Variants in PCSK7 observed in about 807,000 individuals in gnomAD.
PCSK7 encodes the protein proprotein convertase subtilisin/kexin type 7.
A neutral mutation model predicts 73.3 loss-of-function variants in PCSK7; 38 were observed. The observed-to-expected ratio is 0.52, with a 90% CI of 0.40 to 0.68. The LOEUF (loss-of-function observed/expected upper bound fraction) is 0.68, where lower values mean the gene tolerates loss of function less well. PCSK7 is among the 30% of genes least tolerant of loss of function. The pLI is 0.00. For synonymous variants in PCSK7, 296 were observed against 383.8 expected (o/e 0.77, Z 2.68); for missense variants, 692 against 991.5 (o/e 0.70, Z 4.06).
At chr11:117,223,377 C>T (rs930897662) in intron 8 of PCSK7, 69 bp from the exon 9 acceptor site, 3 of 958,000 alleles carry the variant, frequency 3.1e-6, no homozygotes, top group Non-Finnish European at 1.7e-6. Context: ...TTGCTAATGT[C>T]AGTTATCTTG....
At chr11:117,230,044 G>A (rs2032584497) in intron 2 of PCSK7, 188 bp from the exon 3 acceptor site, 7 of 534,632 alleles carry the variant, frequency 1.3e-5, no homozygotes, top group Admixed American at 7.2e-5. Flanking sequence ...AAGCCCCCAG[G>A]TGGAGTGTGG....
intron 2 of PCSK7, 150 bp from the exon 3 acceptor site, chr11:117,230,006 T>C: frequency 1.7e-6 from 1 of 592,206 alleles, no homozygotes; most frequent in South Asian, 2.2e-5. Context: ...TCTCTTTTTG[T>C]TCACATTTAT....
chr11:117,219,866 G>T, intron 9 of PCSK7, 108 bp from the exon 10 acceptor site: 1 of 757,664 alleles, frequency 1.3e-6, no homozygotes, highest in Non-Finnish European at 2.1e-6. Context: ...CAGGAGGATT[G>T]CTTGAGCACA....
chr11:117,212,292 T>C (rs2031762172), intron 12 of PCSK7: 1 of 152,176 alleles, frequency 6.6e-6, no homozygotes, highest in South Asian at 2.1e-4. Flanking sequence ...ACATTATGCA[T>C]TGACTTTCAT....
rs539451513 is a variant in PCSK7, at chr11:117,223,983, C to A, written c.1054+95G>T. 4 of 1,280,568 alleles carry A rather than the reference C, an allele frequency of 3.1e-6. No individual in the cohort carries two copies. The South Asian group carries it at 3.8e-5, about 12-fold the overall frequency. The allele number at this position is 1,280,568 out of a possible 1,614,324, so 79.3% of individuals were successfully genotyped here. ...GAGCCCAAAGAGATTATTGTGCTCA[C>A]ACATTTAGACACACACAGAAGCTAG... On this transcript the variant is annotated intron_variant, in intron 8 of 16. Coordinates refer to ENST00000320934, the MANE Select transcript of PCSK7 (RefSeq NM_004716.4).
chr11:117,211,797 A>T (rs1475837889), intron 12 of PCSK7: 1 of 152,220 alleles, frequency 6.6e-6, no homozygotes, highest in Non-Finnish European at 1.5e-5. Flanking sequence ...TGGGCTCTGG[A>T]GCCACTAAGC....
At position 117,204,602 on chromosome 11, in the gene PCSK7, T is replaced by C; in HGVS notation, c.*1395A>G. ...CCCTCCCGGCTGCCCCCATCACCTC[T>C]ACTGTCTCCTCCCTGGGCTAAGCAG... On this transcript the variant is annotated 3_prime_UTR_variant, in exon 17 of 17. Coordinates refer to ENST00000320934, the MANE Select transcript of PCSK7 (RefSeq NM_004716.4). The C allele has an allele frequency of 1.6e-6, 1 of 611,042 alleles. No homozygotes were observed. The highest frequency in any genetic ancestry group is 3.0e-6 in the Non-Finnish European group (1 of 334,210). The allele number at this position is 611,042 out of a possible 1,614,324, so 37.9% of individuals were successfully genotyped here.
chr11:117,229,867 A>G lies in PCSK7; in HGVS notation c.-12-11T>C. ...CATCAGAGCAGTGGACTGCAGACAA[A>G]GAAAAAGGATATGGAAGAGATCAAA... On this transcript the variant is annotated splice_polypyrimidine_tract_variant and intron_variant, in intron 2 of 16. Coordinates refer to ENST00000320934, the MANE Select transcript of PCSK7 (RefSeq NM_004716.4). 6.9e-7 allele frequency: 1 copy of G among 1,443,448 alleles called. No homozygotes were observed. The highest frequency in any genetic ancestry group is 2.4e-5 in the East Asian group (1 of 42,238). The allele number at this position is 1,443,448 out of a possible 1,614,324, so 89.4% of individuals were successfully genotyped here. A position where few individuals can be genotyped will look rare whatever the true frequency, so the allele number is the denominator to read the frequency against.
rs1195400312 is a variant in PCSK7 at position 117,205,257 on chromosome 11, G to A, written c.*740C>T. On this transcript the variant is annotated 3_prime_UTR_variant, in exon 17 of 17. Coordinates refer to ENST00000320934, the MANE Select transcript of PCSK7 (RefSeq NM_004716.4). Reference sequence around the variant, plus strand: ...CAGGCAGATAGCTGGCCTCCGGCGGGAAGGCCATTTCCCTGAGCACTTGCA... The same window carrying A: ...CAGGCAGATAGCTGGCCTCCGGCGGAAAGGCCATTTCCCTGAGCACTTGCA... 1.3e-5 allele frequency: 3 copies of A among 233,694 alleles called. No individual in the cohort carries two copies. Among genetic ancestry groups the A allele is most frequent in the African/African-American group, 6.6e-5 (3 of 45,376 alleles). 14.5% of individuals were successfully genotyped at this position (233,694 alleles called of 1,614,324 possible). A position where few individuals can be genotyped will look rare whatever the true frequency, so the allele number is the denominator to read the frequency against.
intron 4 of PCSK7, among the ~76,000 whole-genome samples, chr11:117,227,631 C>T (rs1157445940): frequency 2.6e-5 from 4 of 152,126 alleles, no homozygotes; most frequent in African/African-American, 7.2e-5. Flanking sequence ...TTAGTAGAGA[C>T]GGGGTTTCAC....
In PCSK7 at chr11:117,204,760, CA is replaced by C. The variant is rs36014587; in HGVS notation, c.*1236del. ...CTGGAATATTTTTGGGGTTGGAACT[CA>C]AAAAAAAAAAAAAAAAATCAATCTT... is the stretch of plus-strand genomic sequence containing the variant. On this transcript the variant is annotated 3_prime_UTR_variant, in exon 17 of 17. Transcript: ENST00000320934. The C allele has an allele frequency of 0.094, 16,431 of 174,092 alleles. 42 individuals are homozygous for C. The highest frequency in any genetic ancestry group is 0.12 in the South Asian group (1,258 of 10,684). The allele number at this position is 174,092 out of a possible 1,614,324, so 10.8% of individuals were successfully genotyped here.
intron 12 of PCSK7, chr11:117,211,253 G>A (rs2134290568): frequency 6.6e-6 from 1 of 152,420 alleles, no homozygotes. Context: ...TGGGATTACA[G>A]GCGCATGCCA....
rs1565316912 is a variant in PCSK7 at position 117,225,969 on chromosome 11, G to GA, written c.821dup (p.Asn275GlnfsTer8). 1 of 1,612,242 alleles carries GA rather than the reference G, an allele frequency of 6.2e-7. No homozygotes were observed. Among genetic ancestry groups the GA allele is most frequent in the East Asian group, 2.2e-5 (1 of 44,876 alleles). Reference sequence around the variant, plus strand: ...TGTCATTGATCTGATAGTGCTTGTTGAACGCCACTGCCTCCATGCTGTCTG... The same window carrying GA: ...TGTCATTGATCTGATAGTGCTTGTTGAAACGCCACTGCCTCCATGCTGTCTG... On this transcript the variant is annotated frameshift_variant, in exon 6 of 17. Transcript: ENST00000320934. LOFTEE classifies it high-confidence loss of function.
chr11:117,219,358 TC>T (rs1565311173), intron 10 of PCSK7, 194 bp from the exon 11 acceptor site: 1 of 634,048 alleles, frequency 1.6e-6, no homozygotes, highest in African/African-American at 1.8e-5. Context: ...CTGGCTTGCT[TC>T]TAGAGAAGGG....
At position 117,206,009 on chromosome 11, in the gene PCSK7, C is replaced by T. The variant is rs748616729; in HGVS notation, c.2346G>A (p.Glu782=). Reference sequence around the variant, plus strand: ...TCAGGCCCTGAGGTCAGCAGATCTGCTCCTCCTTCCCGTGCGGTACGTCTA... The same window carrying T: ...TCAGGCCCTGAGGTCAGCAGATCTGTTCCTCCTTCCCGTGCGGTACGTCTA... ...QHLDVPHGKE[E]QIC is the part of the protein sequence containing the mutation. The change falls in exon 17 of 17, where the codon GAG becomes GAA. Residue 782 remains glutamate, a synonymous_variant. Coordinates refer to ENST00000320934, the MANE Select transcript of PCSK7 (RefSeq NM_004716.4). 8.9e-5 allele frequency: 106 copies of T among 1,190,594 alleles called. No homozygotes were observed. In the African/African-American group the frequency reaches 1.4e-3, roughly 16 times the overall value. The allele number at this position is 1,190,594 out of a possible 1,614,324, so 73.8% of individuals were successfully genotyped here. A position where few individuals can be genotyped will look rare whatever the true frequency, so the allele number is the denominator to read the frequency against.
Position 117,229,376 on chromosome 11 carries a change from C to A in PCSK7, c.468+1G>T. 2 of 1,602,392 alleles carry A rather than the reference C, an allele frequency of 1.2e-6. No individual in the cohort carries two copies. The highest frequency in any genetic ancestry group is 1.7e-5 in the Admixed American group (1 of 59,980). On this transcript the variant is annotated splice_donor_variant, in intron 3 of 16. Transcript: ENST00000320934. LOFTEE classifies it high-confidence loss of function. ...ACTGCAAACTGCAGGACTGGACTCA[C>A]CAGGTGCCATTGCTGCGGGTACTTG...
chr11:117,228,389 C>T lies in PCSK7; in HGVS notation c.469-39G>A, dbSNP rs745872306. 1.9e-6 allele frequency: 3 copies of T among 1,602,722 alleles called. No homozygotes were observed. The African/African-American group carries it at 4.0e-5, about 21-fold the overall frequency. ...AGGATGGGAATACAGTGACACATAG[C>T]ACAGCCCAGAGGGAGATGAAGTTAT... On this transcript the variant is annotated intron_variant, in intron 3 of 16. Coordinates refer to ENST00000320934, the MANE Select transcript of PCSK7 (RefSeq NM_004716.4).
chr11:117,226,052 C>T (rs1037819906), intron 5 of PCSK7, 31 bp from the exon 6 acceptor site: 3 of 1,229,956 alleles, frequency 2.4e-6, no homozygotes, highest in Non-Finnish European at 3.6e-6. Flanking sequence ...CAGCTCCTCA[C>T]TAATGCTGGT....
rs1406489579 is a variant in PCSK7, at chr11:117,223,514, T to C, written c.1055-206A>G. On this transcript the variant is annotated intron_variant, in intron 8 of 16. Transcript: ENST00000320934. ...TGGCAGAGGGCATTCTGTGCCGCAA[T>C]ACCATTCTTTCAGTAGGCTCTGGGG... 3 of 574,878 alleles carry C rather than the reference T, an allele frequency of 5.2e-6. No individual in the cohort carries two copies. The East Asian group carries it at 8.6e-5, about 16-fold the overall frequency. 35.6% of individuals were successfully genotyped at this position (574,878 alleles called of 1,614,324 possible).
Sources: allele counts gnomAD v4.1 joint callset (sites outside exome capture counted in the v4.1 genomes callset), GRCh38; gene constraint gnomAD v4.1.1; transcripts MANE v1.5; gene names NCBI Gene and HGNC (gene_info 2026-07-23, HGNC 2026-07-21).